The following CHST15 variants were observed in gnomAD, a reference collection of about 807,000 sequenced individuals.
CHST15 encodes the protein carbohydrate sulfotransferase 15, also known as B cell RAG associated protein (GALNAC4S-6ST).
Under a neutral mutation model 53.6 loss-of-function variants are expected in CHST15, and 30 were observed. That is an observed-to-expected ratio of 0.56 (90% CI 0.42 to 0.76). The LOEUF is 0.76. CHST15 is among the 30% of genes least tolerant of loss of function. CHST15 has a pLI of 0.00. For missense variants in CHST15, 627 were observed against 740.5 expected (o/e 0.85, Z 1.78); for synonymous variants, 296 against 289.8 (o/e 1.02, Z -0.22).
intron 1 of CHST15, among the ~76,000 whole-genome samples, chr10:124,083,599 T>C (rs919432152): frequency 2.0e-5 from 3 of 152,196 alleles, no homozygotes; most frequent in Non-Finnish European, 2.9e-5. Flanking sequence ...TAATTTCTCA[T>C]AGAAACTGCT....
intron 5 of CHST15, among the ~76,000 whole-genome samples, chr10:124,030,214 G>A (rs757060978): frequency 3.9e-5 from 6 of 152,246 alleles, no homozygotes; most frequent in Middle Eastern, 3.4e-3. Flanking sequence ...TGGCCTGGGC[G>A]CTGCCAGCTC....
At chr10:124,083,683 G>T (rs369070735) in intron 1 of CHST15, among the ~76,000 whole-genome samples, 1 of 152,092 alleles carries the variant, frequency 6.6e-6, no homozygotes. Context: ...CTCGTTAGTC[G>T]GAGCATGCTT....
chr10:124,066,183 G>A (rs1432190301), intron 1 of CHST15, among the ~76,000 whole-genome samples: 1 of 152,146 alleles, frequency 6.6e-6, no homozygotes, highest in Non-Finnish European at 1.5e-5. Context: ...TTTTATGGGA[G>A]GACTAGATTT....
intron 6 of CHST15, among the ~76,000 whole-genome samples, chr10:124,018,206 G>A (rs900495098): frequency 6.6e-6 from 1 of 152,216 alleles, no homozygotes; most frequent in Non-Finnish European, 1.5e-5. Flanking sequence ...CTGACCCTCA[G>A]GGGACAAAGG....
intron 1 of CHST15, among the ~76,000 whole-genome samples, chr10:124,063,982 AAAT>A (rs1948675128): frequency 1.3e-5 from 2 of 152,238 alleles, no homozygotes; most frequent in Admixed American, 1.3e-4. Context: ...CTTGTTCAAA[AAAT>A]AATAAGTGGA....
intron 5 of CHST15, among the ~76,000 whole-genome samples, chr10:124,025,407 C>T (rs1946958857): frequency 6.6e-6 from 1 of 152,200 alleles, no homozygotes; most frequent in Non-Finnish European, 1.5e-5. Flanking sequence ...TGAAAAGAGA[C>T]TCCTTTGGCC....
chr10:124,054,289 T>C (rs1044945628), intron 1 of CHST15, among the ~76,000 whole-genome samples: 3 of 152,266 alleles, frequency 2.0e-5, no homozygotes, highest in Admixed American at 2.0e-4. Flanking sequence ...GGGATCTTCC[T>C]GGCTGGCCCA....
At chr10:124,023,857 T>C (rs1946887487) in intron 5 of CHST15, among the ~76,000 whole-genome samples, 1 of 152,146 alleles carries the variant, frequency 6.6e-6, no homozygotes, top group Non-Finnish European at 1.5e-5. Context: ...TTTTTTTTTT[T>C]TTTGAAGCGG....
chr10:124,045,663 T>G lies in CHST15; in HGVS notation c.546+4A>C, dbSNP rs752295414. On this transcript the variant is annotated splice_donor_region_variant and intron_variant, in intron 2 of 7. Transcript: ENST00000435907. ...TCAGTCAAGATTAGCACAAAGCTAC[T>G]CACATGCAACTCCTGCTTCTTAAGG... 6.3e-7 allele frequency: 1 copy of G among 1,578,006 alleles called. No homozygotes were observed. The highest frequency in any genetic ancestry group is 1.4e-5 in the African/African-American group (1 of 73,688).
Position 124,076,212 on chromosome 10 carries a change from C to T in CHST15, c.-513+17257G>A, listed in dbSNP as rs1308006796. ...AGTGAAAAATCACCAGGACTTGAGGCTTATACACACACATAATGTAGATGG... is the reference window on the plus strand; with the variant it reads ...AGTGAAAAATCACCAGGACTTGAGGTTTATACACACACATAATGTAGATGG... On this transcript the variant is annotated intron_variant, in intron 1 of 7. Transcript: ENST00000435907. Among the ~76,000 whole-genome samples, 3 of 152,334 alleles carry T rather than the reference C, an allele frequency of 2.0e-5. No homozygotes were observed. The East Asian group carries it at 5.8e-4, about 29-fold the overall frequency.
chr10:124,013,890 C>G (rs1946498657), intron 6 of CHST15, among the ~76,000 whole-genome samples: 1 of 151,942 alleles, frequency 6.6e-6, no homozygotes, highest in African/African-American at 2.4e-5. Context: ...TGTTTATGCC[C>G]CATCTACACC....
rs894400722 is a variant in CHST15 at position 124,019,089 on chromosome 10, G to A, written c.1347+2167C>T. 4.6e-5 allele frequency among the ~76,000 whole-genome samples: 7 copies of A among 152,188 alleles called. No homozygotes were observed. Among genetic ancestry groups the A allele is most frequent in the Non-Finnish European group, 7.3e-5 (5 of 68,046 alleles). ...TCCATGCGAGGCCTGCAGGATGGAAGAGCCACCTGCACCAGGAAAGTGTAG... is the reference window on the plus strand; with the variant it reads ...TCCATGCGAGGCCTGCAGGATGGAAAAGCCACCTGCACCAGGAAAGTGTAG... On this transcript the variant is annotated intron_variant, in intron 6 of 7. Transcript: ENST00000435907. This position sits in a 1 kb window ranked among gnomAD's most constrained non-coding sequence, Gnocchi z 4.6.
chr10:124,068,971 A>T (rs1241949729), intron 1 of CHST15, among the ~76,000 whole-genome samples: 1 of 152,266 alleles, frequency 6.6e-6, no homozygotes, highest in Non-Finnish European at 1.5e-5. Context: ...GAGATAATCG[A>T]AGCTAGAAAG....
chr10:124,065,651 G>T (rs904932966), intron 1 of CHST15, among the ~76,000 whole-genome samples: 3 of 151,998 alleles, frequency 2.0e-5, no homozygotes, highest in African/African-American at 7.3e-5. Flanking sequence ...GCCCCATTAC[G>T]GCAGCTCATT....
chr10:124,062,071 C>T (rs1351478296), intron 1 of CHST15, among the ~76,000 whole-genome samples: 1 of 151,512 alleles, frequency 6.6e-6, no homozygotes, highest in Non-Finnish European at 1.5e-5. Context: ...CCTGGGAGTG[C>T]AGCCGGGAAG....
intron 1 of CHST15, among the ~76,000 whole-genome samples, chr10:124,064,715 T>C (rs1948702094): frequency 1.4e-5 from 2 of 140,854 alleles, no homozygotes; most frequent in South Asian, 5.1e-4. Flanking sequence ...TGTGTGTCCA[T>C]CTCTGCCTCT....
rs544419776 is a variant in CHST15 at position 124,067,894 on chromosome 10, C to T, written c.-512-21170G>A. On this transcript the variant is annotated intron_variant, in intron 1 of 7. Coordinates refer to ENST00000435907, the MANE Select transcript of CHST15 (RefSeq NM_001270764.2). ...CCTCCCAGAGTGCTGGGATTACAGG[C>T]GGGAGCCACTGCGCCTGGCCTAGAA... Among the ~76,000 whole-genome samples, 4 of 152,276 alleles carry T rather than the reference C, an allele frequency of 2.6e-5. No individual in the cohort carries two copies. In the South Asian group the frequency reaches 6.2e-4, roughly 24 times the overall value.
chr10:124,010,280 G>A lies in CHST15; in HGVS notation c.1555C>T (p.Arg519Cys), dbSNP rs1246429753. Residue 519 changes from arginine to cysteine, a missense_variant, in exon 8 of 8, where the codon CGT (arginine) becomes TGT (cysteine). Coordinates refer to ENST00000435907, the MANE Select transcript of CHST15 (RefSeq NM_001270764.2). ...MTKSPASNARRPEDRNLGPMW... is the reference protein window; with the variant it reads ...MTKSPASNARCPEDRNLGPMW... ...GGCCCCAGGTTCCGGTCCTCGGGAC[G>A]CCGTGCATTGGATGCGGGGCTCTTG... 1.2e-6 allele frequency: 2 copies of A among 1,613,476 alleles called. No homozygotes were observed. Among genetic ancestry groups the A allele is most frequent in the East Asian group, 2.2e-5 (1 of 44,858 alleles).
chr10:124,027,797 G>C (rs867240922), intron 5 of CHST15, among the ~76,000 whole-genome samples: 5 of 152,200 alleles, frequency 3.3e-5, no homozygotes, highest in African/African-American at 9.6e-5. Flanking sequence ...CGCAGCCCAG[G>C]AAGCTCCAGG....
Sources: allele counts gnomAD v4.1 joint callset (sites outside exome capture counted in the v4.1 genomes callset), GRCh38; gene constraint gnomAD v4.1.1; non-coding constraint Gnocchi (gnomAD v3.1); transcripts MANE v1.5; gene names NCBI Gene and HGNC (gene_info 2026-07-23, HGNC 2026-07-21).